The following DSG2 variants were observed in gnomAD, a reference collection of about 807,000 sequenced individuals.
The protein encoded by DSG2 is desmoglein 2, also known as desmoglein-2.
DSG2 carries 45 observed loss-of-function variants against 75.6 expected under a neutral mutation model. The observed-to-expected ratio is 0.60, with a 90% CI of 0.47 to 0.76. DSG2 has a LOEUF of 0.76. Ranked by LOEUF, DSG2 falls within the 30% of genes least tolerant of loss-of-function variation. The pLI, the probability that DSG2 is intolerant of heterozygous loss-of-function variation, is 0.00. For synonymous variants in DSG2, 429 were observed against 483.9 expected (o/e 0.89, Z 1.49); for missense variants, 1,267 against 1,357.4 (o/e 0.93, Z 1.05).
intron 8 of DSG2, among the ~76,000 whole-genome samples, chr18:31,525,955 A>G (rs1289306545): frequency 6.6e-6 from 1 of 152,164 alleles, no homozygotes; most frequent in East Asian, 1.9e-4. Flanking sequence ...AGCCTGGCCA[A>G]CATGGTGAAA....
Position 31,538,870 on chromosome 18 carries a change from T to C in DSG2, c.1771T>C (p.Cys591Arg), listed in dbSNP as rs2073248469. The C allele has an allele frequency of 3.7e-6, 6 of 1,614,172 alleles. No homozygotes were observed. The highest frequency in any genetic ancestry group is 5.1e-6 in the Non-Finnish European group (6 of 1,180,020). The change falls in exon 12 of 15, where the codon TGT (cysteine) becomes CGT (arginine). Residue 591 changes from cysteine (C) to arginine (R), a missense_variant. Coordinates refer to ENST00000261590, the MANE Select transcript of DSG2 (RefSeq NM_001943.5). ...AAAGCAGGTCCTTACACTCACAGTT[T>C]GTGAGTGTCTGCATGGCAGCGGCTG... ...PEKQVLTLTV[C>R]ECLHGSGCRE...
chr18:31,518,718 G>A (rs1489922184), intron 2 of DSG2, among the ~76,000 whole-genome samples: 2 of 143,316 alleles, frequency 1.4e-5, no homozygotes, highest in Admixed American at 1.4e-4. Context: ...AGAAAATTTT[G>A]TTCAAGTAAA....
At position 31,536,306 on chromosome 18, in the gene DSG2, G is replaced by A. The variant is rs2073230343; in HGVS notation, c.1528G>A (p.Ala510Thr). The change falls in exon 11 of 15, where the codon GCA becomes ACA. Residue 510 changes from alanine (A) to threonine (T), a missense_variant. Ala to Thr is a moderately conservative substitution (Grantham distance 58). Transcript: ENST00000261590. ...GCCTGTGCAGACAATCTGTCACGAT[G>A]CAGAGTATGTGAATGTTACTGCAGA... ...IEPVQTICHDAEYVNVTAEDL... is the reference protein window; with the variant it reads ...IEPVQTICHDTEYVNVTAEDL... 1.2e-6 allele frequency: 2 copies of A among 1,614,206 alleles called. No homozygotes were observed. The highest frequency in any genetic ancestry group is 1.7e-6 in the Non-Finnish European group (2 of 1,180,042).
rs1454967572 is a variant in DSG2 at position 31,547,259 on chromosome 18, C to T, written c.*516C>T. On this transcript the variant is annotated 3_prime_UTR_variant, in exon 15 of 15. Coordinates refer to ENST00000261590, the MANE Select transcript of DSG2 (RefSeq NM_001943.5). ...TATGGTGCTCATAACTTCTTTAAGA[C>T]TTGAACCCTTTCAATCTGTGTGATT... 1 of 223,560 alleles carries T rather than the reference C, an allele frequency of 4.5e-6. No homozygotes were observed. Among genetic ancestry groups the T allele is most frequent in the East Asian group, 1.1e-4 (1 of 9,318 alleles). The allele number at this position is 223,560 out of a possible 1,614,324, so 13.8% of individuals were successfully genotyped here.
rs958587739 is a variant in DSG2 at position 31,546,159 on chromosome 18, C to T, written c.2773C>T (p.Pro925Ser). The T allele has an allele frequency of 6.2e-7, 1 of 1,614,194 alleles. No individual in the cohort carries two copies. Among genetic ancestry groups the T allele is most frequent in the Non-Finnish European group, 8.5e-7 (1 of 1,180,042 alleles). Residue 925 changes from proline (P) to serine (S), a missense_variant, in exon 15 of 15, where the codon CCT becomes TCT. By Grantham distance (74) the Pro-to-Ser change is moderately conservative. Transcript: ENST00000261590. Reference protein sequence around the residue: ...RQAQKVATPLPDPMASRNVIA... With the variant: ...RQAQKVATPLSDPMASRNVIA... The stretch of plus-strand genomic sequence containing the variant: ...GGCGCAAAAGGTAGCTACACCTCTT[C>T]CTGACCCAATGGCTTCTAGAAATGT...
intron 13 of DSG2, among the ~76,000 whole-genome samples, chr18:31,541,799 G>A (rs1036240069): frequency 6.6e-6 from 1 of 152,150 alleles, no homozygotes; most frequent in African/African-American, 2.4e-5. Flanking sequence ...TCTGTTATGA[G>A]CACCATTTCT....
intron 12 of DSG2, among the ~76,000 whole-genome samples, chr18:31,539,374 A>G (rs970990632): frequency 1.3e-5 from 2 of 152,182 alleles, no homozygotes; most frequent in Non-Finnish European, 2.9e-5. Context: ...TTATGGGCAC[A>G]AGGTTTTTTA....
At chr18:31,542,430 C>T in intron 13 of DSG2, 90 bp from the exon 14 acceptor site, 9 of 1,404,144 alleles carry the variant, frequency 6.4e-6, no homozygotes, top group East Asian at 4.6e-5. Context: ...TTATACCTTC[C>T]TATGCCCACT....
In DSG2 at chr18:31,547,976, G is replaced by C. The variant is rs1046210348; in HGVS notation, c.*1233G>C. On this transcript the variant is annotated 3_prime_UTR_variant, in exon 15 of 15. Transcript: ENST00000261590. ...TAACATGGGTGCCAAATAAATATTC[G>C]TAGAATTACACTGAATTGTAAAAAC... 6.6e-6 allele frequency: 1 copy of C among 152,038 alleles called. No individual in the cohort carries two copies. The highest frequency in any genetic ancestry group is 2.4e-5 in the African/African-American group (1 of 41,368). The allele number at this position is 152,038 out of a possible 1,614,324, so 9.4% of individuals were successfully genotyped here.
rs374980753 is a variant in DSG2, at chr18:31,524,857, A to C, written c.983A>C (p.Gln328Pro). Residue 328 changes from glutamine (Q) to proline (P), a missense_variant, in exon 8 of 15, where the codon CAA (glutamine) becomes CCA (proline). Physicochemically the swap from Gln to Pro is moderately conservative, Grantham distance 76 (BLOSUM62 -1). Coordinates refer to ENST00000261590, the MANE Select transcript of DSG2 (RefSeq NM_001943.5). ...GGYFHIETDA[Q>P]TNEGIVTLIK... ...TATTTCCACATAGAAACAGATGCTC[A>C]AACTAACGAAGGAATTGTGACCCTT... 1.9e-6 allele frequency: 3 copies of C among 1,614,122 alleles called. No individual in the cohort carries two copies. The highest frequency in any genetic ancestry group is 2.7e-5 in the African/African-American group (2 of 74,952).
rs2144353647 is a variant in DSG2, at chr18:31,542,799, C to G, written c.2281C>G (p.Gln761Glu). 6.3e-7 allele frequency: 1 copy of G among 1,597,456 alleles called. No homozygotes were observed. The highest frequency in any genetic ancestry group is 1.7e-4 in the Middle Eastern group (1 of 5,954). Residue 761 changes from glutamine to glutamate, a missense_variant, in exon 14 of 15, where the codon CAG becomes GAG. By Grantham distance (29) the Gln-to-Glu change is conservative. Transcript: ENST00000261590. ...GGCTTCCAGAGACATGGCCGGAGCT[C>G]AGGCAGCTGCTGTTGCACTGAACGA... ...TGASRDMAGA[Q>E]AAAVALNEEF...
rs2073326745 is a variant in DSG2 at position 31,547,961 on chromosome 18, G to A, written c.*1218G>A. ...TGTAGCCTCAGTGCCTAACATGGGT[G>A]CCAAATAAATATTCGTAGAATTACA... On this transcript the variant is annotated 3_prime_UTR_variant, in exon 15 of 15. Coordinates refer to ENST00000261590, the MANE Select transcript of DSG2 (RefSeq NM_001943.5). 2 of 152,228 alleles carry A rather than the reference G, an allele frequency of 1.3e-5. No individual in the cohort carries two copies. The highest frequency in any genetic ancestry group is 4.8e-5 in the African/African-American group (2 of 41,544). The allele number at this position is 152,228 out of a possible 1,614,324, so 9.4% of individuals were successfully genotyped here.
chr18:31,531,930 A>G (rs1230322371), intron 9 of DSG2, among the ~76,000 whole-genome samples: 12 of 152,214 alleles, frequency 7.9e-5, no homozygotes, highest in African/African-American at 2.7e-4. Flanking sequence ...TGCCACGGAA[A>G]GACCATTCTC....
At chr18:31,513,161 G>A (rs2144303297) in intron 1 of DSG2, among the ~76,000 whole-genome samples, 1 of 152,302 alleles carries the variant, frequency 6.6e-6, no homozygotes, top group African/African-American at 2.4e-5. Flanking sequence ...AAAGAATGTT[G>A]AATATCAATC....
chr18:31,539,157 C>A (rs2073250923), intron 12 of DSG2, among the ~76,000 whole-genome samples, 179 bp downstream of exon 12: 1 of 152,168 alleles, frequency 6.6e-6, no homozygotes, highest in Non-Finnish European at 1.5e-5. Flanking sequence ...ATATAAGACT[C>A]TTCAGAATTT....
In DSG2 at chr18:31,536,286, T is replaced by G. The variant is rs767431669; in HGVS notation, c.1508T>G (p.Val503Gly). The G allele has an allele frequency of 1.9e-6, 3 of 1,614,232 alleles. No individual in the cohort carries two copies. In the South Asian group the frequency reaches 3.3e-5, roughly 18 times the overall value. ...AACTGTCCCACACTGATAGAGCCTG[T>G]GCAGACAATCTGTCACGATGCAGAG... is the stretch of plus-strand genomic sequence containing the variant. ...NDNCPTLIEP[V>G]QTICHDAEYV... The change falls in exon 11 of 15, where the codon GTG (valine) becomes GGG (glycine). Residue 503 changes from valine to glycine, a missense_variant. By Grantham distance (109) the Val-to-Gly change is moderately radical. Coordinates refer to ENST00000261590, the MANE Select transcript of DSG2 (RefSeq NM_001943.5).
In DSG2 at chr18:31,541,460, T is replaced by C; in HGVS notation, c.2001+146T>C. 1.6e-5 allele frequency: 17 copies of C among 1,079,920 alleles called. No homozygotes were observed. In the South Asian group the frequency reaches 2.2e-4, roughly 14 times the overall value. The allele number at this position is 1,079,920 out of a possible 1,614,324, so 66.9% of individuals were successfully genotyped here. ...GCCTTTGTTAAGCAAAGAGTTCAAA[T>C]GACAGCATATTTTGTGTTTGTTGCT... On this transcript the variant is annotated intron_variant, in intron 13 of 14. Transcript: ENST00000261590.
chr18:31,528,666 C>G (rs1191348327), intron 8 of DSG2, among the ~76,000 whole-genome samples: 1 of 147,768 alleles, frequency 6.8e-6, no homozygotes, highest in Non-Finnish European at 1.5e-5. Flanking sequence ...GCCAGCATCA[C>G]GTCACTTCAT....
chr18:31,498,701 C>T (rs2072998004), intron 1 of DSG2, among the ~76,000 whole-genome samples: 1 of 152,098 alleles, frequency 6.6e-6, no homozygotes, highest in African/African-American at 2.4e-5. Flanking sequence ...TTCCACGTTC[C>T]TTAAATTTCC....
Sources: allele counts gnomAD v4.1 joint callset (sites outside exome capture counted in the v4.1 genomes callset), GRCh38; gene constraint gnomAD v4.1.1; transcripts MANE v1.5; gene names NCBI Gene and HGNC (gene_info 2026-07-23, HGNC 2026-07-21).